LMO7: variants seen among roughly 807,000 people sequenced by gnomAD.
LMO7 encodes the protein LIM domain only protein 7.
LMO7 carries 120 observed loss-of-function variants against 206.5 expected under a neutral mutation model. The observed-to-expected ratio is 0.58, with a 90% CI of 0.50 to 0.68. The LOEUF (loss-of-function observed/expected upper bound fraction) is 0.68. LMO7 is among the 30% of genes least tolerant of loss of function. LMO7 has a pLI of 0.00. For synonymous variants in LMO7, 706 were observed against 681.5 expected (o/e 1.04, Z -0.56); for missense variants, 1,959 against 1,957.9 (o/e 1.00, Z -0.01).
At chr13:75,743,036 C>A (rs1464523900) in intron 3 of LMO7, among the ~76,000 whole-genome samples, 1 of 151,898 alleles carries the variant, frequency 6.6e-6, no homozygotes, top group Non-Finnish European at 1.5e-5. Context: ...GAAAAAACAA[C>A]CCCACAAAAA....
chr13:75,685,287 G>A (rs1264226294), intron 1 of LMO7, among the ~76,000 whole-genome samples: 2 of 152,166 alleles, frequency 1.3e-5, no homozygotes. Context: ...TGCAGTTTCT[G>A]TGAACTGTGC....
chr13:75,644,811 T>C (rs1411749599), intron 1 of LMO7, among the ~76,000 whole-genome samples: 1 of 152,072 alleles, frequency 6.6e-6, no homozygotes, highest in South Asian at 2.1e-4. Context: ...AAAAATTTTG[T>C]TGTAGGGACA....
At chr13:75,841,333 C>A in intron 23 of LMO7, 132 bp downstream of exon 23, 2 of 649,556 alleles carry the variant, frequency 3.1e-6, no homozygotes, top group Non-Finnish European at 5.3e-6. Flanking sequence ...TTGAAAAATA[C>A]AATGAGCTCT....
chr13:75,700,549 C>CT (rs2042219197), intron 1 of LMO7, among the ~76,000 whole-genome samples: 1 of 152,236 alleles, frequency 6.6e-6, no homozygotes, highest in Admixed American at 6.5e-5. Context: ...AAGTCAAGAA[C>CT]TTTCACCTTT....
At chr13:75,756,238 A>T (rs919087670) in intron 3 of LMO7, among the ~76,000 whole-genome samples, 4 of 152,166 alleles carry the variant, frequency 2.6e-5, no homozygotes, top group Non-Finnish European at 5.9e-5. Flanking sequence ...TCTTGAAGAG[A>T]TTGATGGGTG....
chr13:75,757,790 CTGTGTGTGTGTGTGTGTGTGTGTG>C (rs57536883), intron 3 of LMO7, among the ~76,000 whole-genome samples: 47,867 of 143,542 alleles, frequency 0.33, 8,231 homozygotes, highest in East Asian at 0.47. Context: ...CTCATTGTTT[CTGTGTGTGTGTGTGTGTGTGTGTG>C]TGTGTGTGTG....
chr13:75,796,497 A>G, intron 5 of LMO7, 139 bp from the exon 6 acceptor site: 1 of 594,128 alleles, frequency 1.7e-6, no homozygotes, highest in Non-Finnish European at 3.0e-6. Context: ...TACCTTTCCC[A>G]TAAACTTAAA....
At chr13:75,727,313 T>C (rs534594754) in intron 3 of LMO7, among the ~76,000 whole-genome samples, 14 of 151,972 alleles carry the variant, frequency 9.2e-5, no homozygotes, top group African/African-American at 3.4e-4. Context: ...TTTATTTATT[T>C]AATAAGAAAA....
At chr13:75,742,476 C>T (rs1304160449) in intron 3 of LMO7, among the ~76,000 whole-genome samples, 1 of 152,136 alleles carries the variant, frequency 6.6e-6, no homozygotes, top group Non-Finnish European at 1.5e-5. Context: ...TCAAACTATA[C>T]TACAGGGCTA....
chr13:75,679,699 A>G (rs576892172), intron 1 of LMO7, among the ~76,000 whole-genome samples: 1 of 151,940 alleles, frequency 6.6e-6, no homozygotes, highest in Non-Finnish European at 1.5e-5. Context: ...TCCTGCCTCA[A>G]CCCCCACCAG....
chr13:75,819,070 CG>C (rs2057330743), intron 12 of LMO7, among the ~76,000 whole-genome samples: 1 of 152,156 alleles, frequency 6.6e-6, no homozygotes, highest in Non-Finnish European at 1.5e-5. Context: ...GAGATGAAAA[CG>C]AACTGGAAAC....
intron 11 of LMO7, among the ~76,000 whole-genome samples, chr13:75,814,377 A>G (rs1259937752): frequency 6.6e-6 from 1 of 152,126 alleles, no homozygotes; most frequent in African/African-American, 2.4e-5. Context: ...AGAGAATCCA[A>G]ACATGCACAT....
rs144664872 is a variant in LMO7, at chr13:75,665,587, C to T, written c.69+28861C>T. On this transcript the variant is annotated intron_variant, in intron 1 of 30. Coordinates refer to ENST00000377534, the MANE Select transcript of LMO7 (RefSeq NM_001306080.2). ...TGTACCCCAGGCTGGAGTGCAATGG[C>T]GCGATCTCAGCTCACGGCAACCTCC... 9.1e-3 allele frequency among the ~76,000 whole-genome samples: 1,373 copies of T among 151,470 alleles called. 9 individuals carry two copies. Among genetic ancestry groups the T allele is most frequent in the Middle Eastern group, 0.017 (5 of 292 alleles).
At chr13:75,751,519 A>C (rs999570581) in intron 3 of LMO7, among the ~76,000 whole-genome samples, 5 of 152,164 alleles carry the variant, frequency 3.3e-5, no homozygotes, top group Admixed American at 3.3e-4. Context: ...TGGGAATACC[A>C]GGCCAAAGTA....
chr13:75,659,028 G>C (rs79591037), intron 1 of LMO7, among the ~76,000 whole-genome samples: 2,072 of 131,898 alleles, frequency 0.016, 30 homozygotes, highest in Non-Finnish European at 0.022. Context: ...AATAATCAGA[G>C]TTTTATCTCT....
chr13:75,649,888 G>A (rs1036996323), intron 1 of LMO7, among the ~76,000 whole-genome samples: 1 of 152,196 alleles, frequency 6.6e-6, no homozygotes, highest in Non-Finnish European at 1.5e-5. Context: ...ATTGTTTGGG[G>A]AGGTCACTTC....
chr13:75,745,702 T>C (rs897238084), intron 3 of LMO7, among the ~76,000 whole-genome samples: 3 of 152,178 alleles, frequency 2.0e-5, no homozygotes, highest in African/African-American at 4.8e-5. Flanking sequence ...CATCCAGTCA[T>C]GGAAGGCCTG....
intron 6 of LMO7, among the ~76,000 whole-genome samples, chr13:75,798,648 T>C (rs1446665247): frequency 6.6e-6 from 1 of 152,198 alleles, no homozygotes; most frequent in Non-Finnish European, 1.5e-5. Flanking sequence ...TCAGTTCTAT[T>C]AAAATCAAAA....
At chr13:75,760,820 C>T in intron 3 of LMO7, 112 bp from the exon 4 acceptor site, 1 of 1,554,756 alleles carries the variant, frequency 6.4e-7, no homozygotes, top group Non-Finnish European at 8.7e-7. Context: ...GCTGCTGCCT[C>T]TTTTGCTGAC....
Sources: gnomAD v4.1 joint callset for allele counts (sites outside exome capture counted in the v4.1 genomes callset) on GRCh38, gnomAD v4.1.1 for gene constraint, MANE v1.5 for transcripts, NCBI Gene and HGNC (gene_info 2026-07-23, HGNC 2026-07-21) for gene names.